IGSF5: variants seen among roughly 807,000 people sequenced by gnomAD.
The protein encoded by IGSF5 is immunoglobulin superfamily member 5.
A neutral mutation model predicts 39.4 loss-of-function variants in IGSF5; 41 were observed. That is an observed-to-expected ratio of 1.04 (90% CI 0.81 to 1.35). IGSF5 has a LOEUF of 1.35. Among genes scored for constraint, IGSF5 ranks in the 40% most tolerant of loss-of-function variants. IGSF5 has a pLI of 0.00. For missense variants in IGSF5, 487 were observed against 494.6 expected, an observed-to-expected ratio of 0.98 and a Z score of 0.15; for synonymous variants, 183 against 175.3, an observed-to-expected ratio of 1.04 and a Z score of -0.34.
chr21:39,797,552 TG>T (rs1162814018), intron 8 of IGSF5, among the ~76,000 whole-genome samples: 11 of 152,158 alleles, frequency 7.2e-5, no homozygotes, highest in Non-Finnish European at 1.3e-4. Flanking sequence ...GGTCTTGCTT[TG>T]TTGCCCAGGC....
chr21:39,762,232 A>T (rs1398840718), intron 2 of IGSF5, among the ~76,000 whole-genome samples: 1 of 152,178 alleles, frequency 6.6e-6, no homozygotes, highest in Non-Finnish European at 1.5e-5. Flanking sequence ...TGAGTCAAAT[A>T]TGAGTGGCCA....
At chr21:39,748,232 G>A (rs2079985241) in intron 2 of IGSF5, among the ~76,000 whole-genome samples, 1 of 149,260 alleles carries the variant, frequency 6.7e-6, no homozygotes, top group African/African-American at 2.4e-5. Context: ...TGGCTTGCAG[G>A]TGGCTTCCTT....
chr21:39,773,780 T>C (rs2080126474), intron 4 of IGSF5, among the ~76,000 whole-genome samples: 1 of 152,106 alleles, frequency 6.6e-6, no homozygotes. Flanking sequence ...GGTCCAAACT[T>C]TGAAAGAGAA....
intron 4 of IGSF5, among the ~76,000 whole-genome samples, chr21:39,774,022 T>G (rs191077081): frequency 1.4e-3 from 214 of 152,338 alleles, no homozygotes; most frequent in African/African-American, 5.0e-3. Context: ...AGTCCAGAAC[T>G]AGTGCCTTAA....
intron 6 of IGSF5, 76 bp downstream of exon 6, chr21:39,788,264 G>T (rs752638386): frequency 9.5e-6 from 10 of 1,057,038 alleles, no homozygotes; most frequent in Non-Finnish European, 1.4e-5. Flanking sequence ...ACAACAATAC[G>T]TACACACAAC....
chr21:39,795,786 G>A (rs76271846), intron 8 of IGSF5, among the ~76,000 whole-genome samples: 1,751 of 152,074 alleles, frequency 0.012, 22 homozygotes, highest in Non-Finnish European at 0.017. Flanking sequence ...ACGTAGTCTC[G>A]TGTTTCTTAT....
At chr21:39,737,721 T>C in the IGSF5 span, among the ~76,000 whole-genome samples, 13 of 152,180 alleles carry the variant, frequency 8.5e-5, no homozygotes, top group African/African-American at 1.9e-4. Flanking sequence ...GGAGACGTCA[T>C]TGGATATGTA....
rs1325796822 is a variant in IGSF5, at chr21:39,788,272, A to T, written c.956+84A>T. ...AATAATAACAACAATACGTACACAC[A>T]ACTGCGGGATTTTTGGATTTATGTT... On this transcript the variant is annotated intron_variant, in intron 6 of 8. Transcript: ENST00000380588. 4.1e-6 allele frequency: 4 copies of T among 986,572 alleles called. No homozygotes were observed. The East Asian group carries it at 9.8e-5, about 24-fold the overall frequency. The allele number at this position is 986,572 out of a possible 1,614,324, so 61.1% of individuals were successfully genotyped here.
At chr21:39,775,713 G>A in intron 4 of IGSF5, among the ~76,000 whole-genome samples, 1 of 152,118 alleles carries the variant, frequency 6.6e-6, no homozygotes, top group Non-Finnish European at 1.5e-5. Flanking sequence ...ATCTTCCTTA[G>A]TCACTATGTG....
At chr21:39,734,051 T>G in the IGSF5 span, among the ~76,000 whole-genome samples, 1 of 152,178 alleles carries the variant, frequency 6.6e-6, no homozygotes, top group Admixed American at 6.5e-5. Context: ...GAATTTTGGG[T>G]GAATACTATT....
At chr21:39,756,738 T>G (rs1219541948) in intron 2 of IGSF5, among the ~76,000 whole-genome samples, 1 of 152,156 alleles carries the variant, frequency 6.6e-6, no homozygotes, top group Non-Finnish European at 1.5e-5. Context: ...GATCTAACCC[T>G]GAATCTTCCA....
At chr21:39,796,240 G>A (rs1275014088) in intron 8 of IGSF5, among the ~76,000 whole-genome samples, 3 of 152,150 alleles carry the variant, frequency 2.0e-5, no homozygotes, top group African/African-American at 7.2e-5. Context: ...CTTGAGAGCT[G>A]CCAGAATAGT....
chr21:39,732,694 A>T, the IGSF5 span, among the ~76,000 whole-genome samples: 2 of 152,248 alleles, frequency 1.3e-5, no homozygotes, highest in Non-Finnish European at 2.9e-5. Flanking sequence ...ATGTTTTGAC[A>T]TATAATTCTA....
intron 2 of IGSF5, among the ~76,000 whole-genome samples, chr21:39,756,004 T>C (rs1174683179): frequency 6.6e-6 from 1 of 150,446 alleles, no homozygotes; most frequent in Non-Finnish European, 1.5e-5. Context: ...GGCAGGAGAG[T>C]TGCTTGAACC....
intron 2 of IGSF5, among the ~76,000 whole-genome samples, chr21:39,748,664 G>C (rs1346262485): frequency 1.3e-5 from 2 of 152,174 alleles, no homozygotes; most frequent in South Asian, 4.1e-4. Flanking sequence ...TAAATACCAT[G>C]ACATTGGGAG....
upstream of IGSF5, among the ~76,000 whole-genome samples, chr21:39,744,250 C>T (rs2079961180): frequency 6.6e-6 from 1 of 152,186 alleles, no homozygotes; most frequent in South Asian, 2.1e-4. Context: ...AGGAGTGAGT[C>T]CTAGAGCTGG....
At chr21:39,797,260 C>T (rs1311300127) in intron 8 of IGSF5, among the ~76,000 whole-genome samples, 1 of 148,050 alleles carries the variant, frequency 6.8e-6, no homozygotes, top group Non-Finnish European at 1.5e-5. Context: ...GCTCTGTCAC[C>T]CAAGCTAGAG....
chr21:39,795,392 A>G (rs560171077), intron 8 of IGSF5, among the ~76,000 whole-genome samples: 114 of 152,172 alleles, frequency 7.5e-4, no homozygotes, highest in Non-Finnish European at 1.3e-3. Flanking sequence ...TAAGCCAACC[A>G]TGATTTCCAC....
chr21:39,731,959 A>G, the IGSF5 span, among the ~76,000 whole-genome samples: 1 of 152,160 alleles, frequency 6.6e-6, no homozygotes, highest in Non-Finnish European at 1.5e-5. Flanking sequence ...TGTAGCTTTT[A>G]TTTGTTTCTT....
Sources: gnomAD v4.1 joint callset for allele counts (sites outside exome capture counted in the v4.1 genomes callset) on GRCh38, gnomAD v4.1.1 for gene constraint, MANE v1.5 for transcripts, NCBI Gene and HGNC (gene_info 2026-07-23, HGNC 2026-07-21) for gene names.